Variants in OSBPL10 observed in about 807,000 individuals in gnomAD.
The protein encoded by OSBPL10 is oxysterol binding protein like 10, also known as oxysterol-binding protein-related protein 10.
Under a neutral mutation model 81.7 loss-of-function variants are expected in OSBPL10, and 49 were observed. That is an observed-to-expected ratio of 0.60 (90% CI 0.48 to 0.76). The LOEUF (loss-of-function observed/expected upper bound fraction) is 0.76. Ranked by LOEUF, OSBPL10 falls within the 30% of genes least tolerant of loss-of-function variation. The pLI is 0.00. For synonymous variants in OSBPL10, 419 were observed against 383.6 expected, an observed-to-expected ratio of 1.09 and a Z score of -1.08; for missense variants, 923 against 987.8, an observed-to-expected ratio of 0.93 and a Z score of 0.88.
At chr3:31,867,948 CAT>C (rs894912734) in intron 3 of OSBPL10, among the ~76,000 whole-genome samples, 5 of 152,256 alleles carry the variant, frequency 3.3e-5, no homozygotes, top group African/African-American at 9.6e-5. Flanking sequence ...ACAGCCCAAA[CAT>C]AGAATAGGTC....
At chr3:32,000,638 G>C (rs984721997) in intron 2 of OSBPL10, among the ~76,000 whole-genome samples, 1 of 152,176 alleles carries the variant, frequency 6.6e-6, no homozygotes, top group African/African-American at 2.4e-5. Flanking sequence ...GCCCTTCCTC[G>C]TGACGGTTGT....
chr3:31,898,279 T>A (rs1050521435), intron 1 of OSBPL10, among the ~76,000 whole-genome samples: 5 of 152,124 alleles, frequency 3.3e-5, no homozygotes, highest in Admixed American at 2.6e-4. Flanking sequence ...AAATTTCAAA[T>A]GCCTCACCAC....
chr3:32,024,736 A>T (rs1699388822), intron 2 of OSBPL10, among the ~76,000 whole-genome samples: 2 of 152,108 alleles, frequency 1.3e-5, no homozygotes, highest in South Asian at 4.2e-4. Context: ...GGCCTCCCAA[A>T]GTGCTGGGAT....
chr3:31,744,618 G>T (rs1407391575), intron 5 of OSBPL10, among the ~76,000 whole-genome samples: 1 of 151,760 alleles, frequency 6.6e-6, no homozygotes, highest in African/African-American at 2.4e-5. Context: ...AGAGCACAGG[G>T]AGGACATGAA....
At chr3:31,993,036 T>C (rs927161114) in intron 2 of OSBPL10, among the ~76,000 whole-genome samples, 3 of 152,016 alleles carry the variant, frequency 2.0e-5, no homozygotes, top group Non-Finnish European at 2.9e-5. Flanking sequence ...ATATTTACTC[T>C]ACAAAAGATA....
At position 31,683,757 on chromosome 3, in the gene OSBPL10, G is replaced by A. The variant is rs1433018369; in HGVS notation, c.1603C>T (p.His535Tyr). 9.9e-6 allele frequency: 16 copies of A among 1,614,070 alleles called. No homozygotes were observed. The highest frequency in any genetic ancestry group is 1.3e-5 in the Non-Finnish European group (15 of 1,180,054). The change falls in exon 8 of 12, where the codon CAT (histidine) becomes TAT (tyrosine). Residue 535 changes from histidine to tyrosine, a missense_variant. This residue lies in a region of OSBPL10 where 387 missense variants were observed against 436.3 expected (regional missense o/e 0.89). Transcript: ENST00000396556. The part of the protein sequence containing the change: ...KLRFVAEQVS[H>Y]HPPISCFYCE... ...TAGAAGCAGGAGATGGGTGGGTGATGGGACACTTGCTCAGCCACAAACCTT... is the reference window on the plus strand; with the variant it reads ...TAGAAGCAGGAGATGGGTGGGTGATAGGACACTTGCTCAGCCACAAACCTT...
chr3:31,674,583 T>TTAGATAGATAGATAGA (rs55696700), intron 8 of OSBPL10, among the ~76,000 whole-genome samples: 4 of 147,836 alleles, frequency 2.7e-5, no homozygotes, highest in Non-Finnish European at 3.0e-5. Context: ...GATAGATAGA[T>TTAGATAGATAGATAGA]TAGATAGATA....
intron 1 of OSBPL10, among the ~76,000 whole-genome samples, chr3:31,885,911 C>T (rs1389701256): frequency 6.9e-6 from 1 of 145,360 alleles, no homozygotes; most frequent in Non-Finnish European, 1.5e-5. Context: ...AGGAGAATCG[C>T]TTGAACCCAG....
intron 11 of OSBPL10, chr3:31,663,355 T>C (rs998042155): frequency 8.5e-5 from 84 of 985,636 alleles, no homozygotes; most frequent in Non-Finnish European, 9.8e-5. Flanking sequence ...ACCGGCCTGC[T>C]CTTCATTGAT....
intron 2 of OSBPL10, among the ~76,000 whole-genome samples, chr3:32,002,174 G>A (rs535236511): frequency 2.0e-5 from 3 of 151,936 alleles, no homozygotes; most frequent in Admixed American, 6.6e-5. Flanking sequence ...TCATTTACTC[G>A]CCCATTCAAC....
intron 5 of OSBPL10, among the ~76,000 whole-genome samples, chr3:31,738,473 A>G (rs572512484): frequency 3.4e-4 from 52 of 152,234 alleles, no homozygotes; most frequent in African/African-American, 1.2e-3. Context: ...GTAAATAGAA[A>G]CCGACAAATT....
intron 1 of OSBPL10, among the ~76,000 whole-genome samples, chr3:32,069,915 GC>G (rs1699813238): frequency 2.0e-5 from 3 of 152,208 alleles, no homozygotes; most frequent in Non-Finnish European, 2.9e-5. Flanking sequence ...AATGCCCGCA[GC>G]CCAGGATTCT....
intron 6 of OSBPL10, among the ~76,000 whole-genome samples, chr3:31,706,004 T>C (rs1393447945): frequency 3.3e-5 from 5 of 151,990 alleles, no homozygotes; most frequent in African/African-American, 1.2e-4. Context: ...GAAGATAAAA[T>C]GGAATTAAAA....
chr3:31,936,295 G>C (rs915865739), intron 1 of OSBPL10, among the ~76,000 whole-genome samples: 2 of 152,102 alleles, frequency 1.3e-5, no homozygotes, highest in African/African-American at 4.8e-5. Context: ...CTAGGGCTTA[G>C]CATTTATTTA....
intron 7 of OSBPL10, among the ~76,000 whole-genome samples, chr3:31,700,747 G>C (rs560064077): frequency 6.6e-6 from 1 of 152,272 alleles, no homozygotes; most frequent in Admixed American, 6.5e-5. Context: ...AGCTCTGTCT[G>C]GGTGTCTACA....
At chr3:31,960,807 A>G (rs778525280) in intron 1 of OSBPL10, among the ~76,000 whole-genome samples, 2 of 152,032 alleles carry the variant, frequency 1.3e-5, no homozygotes, top group African/African-American at 2.4e-5. Context: ...AATGCTCACC[A>G]CCAGGAGAGA....
At chr3:31,809,833 C>T (rs1015333795) in intron 4 of OSBPL10, among the ~76,000 whole-genome samples, 35 of 149,850 alleles carry the variant, frequency 2.3e-4, no homozygotes, top group Non-Finnish European at 4.4e-4. Context: ...GAAAACTAGA[C>T]CAGCCCAAGA....
In OSBPL10 at chr3:31,926,872, G is replaced by A. The variant is rs566718401; in HGVS notation, c.282-47042C>T. Among the ~76,000 whole-genome samples, 3 of 152,332 alleles carry A rather than the reference G, an allele frequency of 2.0e-5. No homozygotes were observed. The South Asian group carries it at 6.2e-4, about 32-fold the overall frequency. ...TGCCTGTAATCCCAACCCTTTGAGA[G>A]GCTGAGGCAGGTGGATCACTTGAAG... On this transcript the variant is annotated intron_variant, in intron 1 of 11. Coordinates refer to ENST00000396556, the MANE Select transcript of OSBPL10 (RefSeq NM_017784.5).
chr3:31,968,156 A>T (rs975756364), intron 1 of OSBPL10, among the ~76,000 whole-genome samples: 5 of 152,214 alleles, frequency 3.3e-5, no homozygotes, highest in African/African-American at 1.2e-4. Context: ...CTTTACCCTT[A>T]AATACTTCAG....
Sources: allele counts gnomAD v4.1 joint callset (sites outside exome capture counted in the v4.1 genomes callset), GRCh38; gene constraint gnomAD v4.1.1; regional missense constraint gnomAD v4.1.1; transcripts MANE v1.5; gene names NCBI Gene and HGNC (gene_info 2026-07-23, HGNC 2026-07-21).